The following TCF25 variants were observed in gnomAD, a reference collection of about 807,000 sequenced individuals.
The protein encoded by TCF25 is TCF25 ribosome quality control complex subunit, also known as ribosome quality control complex subunit TCF25.
TCF25 carries 41 observed loss-of-function variants against 83.1 expected under a neutral mutation model. The observed-to-expected ratio is 0.49, with a 90% CI of 0.38 to 0.64. TCF25 has a LOEUF of 0.64. Ranked by LOEUF, TCF25 falls within the 30% of genes least tolerant of loss-of-function variation. The pLI, the probability that TCF25 is intolerant of heterozygous loss-of-function variation, is 0.00. For synonymous variants in TCF25, 458 were observed against 365.0 expected, an observed-to-expected ratio of 1.25 and a Z score of -2.90; for missense variants, 979 against 914.5, an observed-to-expected ratio of 1.07 and a Z score of -0.91.
chr16:89,911,203 G>A lies in TCF25; in HGVS notation c.1996G>A (p.Glu666Lys). The A allele has an allele frequency of 1.2e-6, 2 of 1,612,466 alleles. No homozygotes were observed. Among genetic ancestry groups the A allele is most frequent in the Non-Finnish European group, 1.7e-6 (2 of 1,179,936 alleles). ...FHLNDLEAPH[E>K]DDAEGEGEWD ...CCTCAACGACCTGGAGGCGCCGCAC[G>A]AGGACGACGCTGAGGGGGAGGGGGA... The change falls in exon 18 of 18, where the codon GAG (glutamate) becomes AAG (lysine). Residue 666 changes from glutamate to lysine, a missense_variant. Physicochemically the swap from Glu to Lys is moderately conservative, Grantham distance 56. Transcript: ENST00000263346.
chr16:89,902,517 G>A lies in TCF25; in HGVS notation c.1382-1601G>A, dbSNP rs1404071957. 3.0e-4 allele frequency among the ~76,000 whole-genome samples: 42 copies of A among 141,200 alleles called. 3 individuals carry two copies. The highest frequency in any genetic ancestry group is 2.5e-4 in the Non-Finnish European group (16 of 63,294). The allele number at this position is 141,200 out of a possible 152,430, so 92.6% of individuals were successfully genotyped here. A position where few individuals can be genotyped will look rare whatever the true frequency, so the allele number is the denominator to read the frequency against. On this transcript the variant is annotated intron_variant, in intron 12 of 17. Transcript: ENST00000263346. ...ATCCTGACTAACACGGTGAAACCAC[G>A]TCTCTACTAAAAATACAAAAAATTA...
chr16:89,907,209 C>T (rs1485501942), intron 15 of TCF25, 34 bp from the exon 16 acceptor site: 1 of 1,608,568 alleles, frequency 6.2e-7, no homozygotes, highest in Non-Finnish European at 8.5e-7. Context: ...CTGGCAGCAT[C>T]TGTAGCATCT....
In TCF25 at chr16:89,904,088, G is replaced by A. The variant is rs771777933; in HGVS notation, c.1382-30G>A. The A allele has an allele frequency of 3.1e-6, 5 of 1,589,732 alleles. No homozygotes were observed. The South Asian group carries it at 3.4e-5, about 11-fold the overall frequency. On this transcript the variant is annotated intron_variant, in intron 12 of 17. Transcript: ENST00000263346. ...GGAGTGGCTGGGGTGTGTGCTGAGGGCCCCCACAGAGCCTCCGCTTCCCCT... is the reference window on the plus strand; with the variant it reads ...GGAGTGGCTGGGGTGTGTGCTGAGGACCCCCACAGAGCCTCCGCTTCCCCT...
chr16:89,895,266 C>G (rs1183597959), intron 8 of TCF25, 129 bp downstream of exon 8: 1 of 806,700 alleles, frequency 1.2e-6, no homozygotes, highest in Non-Finnish European at 1.9e-6. Flanking sequence ...ATACAACCTA[C>G]GTAGCACAAA....
Position 89,873,640 on chromosome 16 carries a change from T to C in TCF25, c.-28T>C. 6.6e-7 allele frequency: 1 copy of C among 1,509,624 alleles called. No individual in the cohort carries two copies. Among genetic ancestry groups the C allele is most frequent in the East Asian group, 2.6e-5 (1 of 38,520 alleles). 93.5% of individuals were successfully genotyped at this position (1,509,624 alleles called of 1,614,324 possible). On this transcript the variant is annotated 5_prime_UTR_variant, in exon 1 of 18. Coordinates refer to ENST00000263346, the MANE Select transcript of TCF25 (RefSeq NM_014972.3). ...AGTTTTCTGCGCTTCCTTCTCCCTC[T>C]CTCCAGACGTCGTGGTCGTTCGGTC...
chr16:89,875,104 G>C (rs1450648049), intron 1 of TCF25, among the ~76,000 whole-genome samples: 2 of 152,118 alleles, frequency 1.3e-5, no homozygotes, highest in Non-Finnish European at 2.9e-5. Flanking sequence ...GGCTCAAATA[G>C]TCCTCTCACC....
intron 1 of TCF25, among the ~76,000 whole-genome samples, chr16:89,882,854 T>C (rs1415099831): frequency 1.3e-5 from 2 of 152,222 alleles, no homozygotes; most frequent in Non-Finnish European, 2.9e-5. Context: ...CCCAAAGTGC[T>C]GGGATCACAG....
chr16:89,888,979 G>T (rs1051854114), intron 5 of TCF25, among the ~76,000 whole-genome samples: 1 of 150,924 alleles, frequency 6.6e-6, no homozygotes, highest in African/African-American at 2.4e-5. Context: ...GAGCCATGGC[G>T]CCCGGCCCAG....
At chr16:89,885,738 G>A (rs948403719) in intron 3 of TCF25, 110 bp from the exon 4 acceptor site, 11 of 879,716 alleles carry the variant, frequency 1.3e-5, no homozygotes, top group African/African-American at 1.0e-4. Flanking sequence ...TGTCCTTTAG[G>A]AAGTAAATAC....
At chr16:89,910,229 C>T in intron 16 of TCF25, 1 of 292,494 alleles carries the variant, frequency 3.4e-6, no homozygotes, top group Non-Finnish European at 6.6e-6. Flanking sequence ...AAGCTTCTGC[C>T]TTTGCGTAAG....
At chr16:89,901,111 AAG>A in intron 12 of TCF25, 1 of 247,972 alleles carries the variant, frequency 4.0e-6, no homozygotes, top group Non-Finnish European at 8.0e-6. Flanking sequence ...GAGGAGAGCA[AAG>A]CAGGGGAAGG....
intron 9 of TCF25, among the ~76,000 whole-genome samples, chr16:89,896,291 C>G (rs1403012125): frequency 1.3e-5 from 2 of 152,186 alleles, no homozygotes; most frequent in African/African-American, 4.8e-5. Context: ...GTGGACATGC[C>G]TGATGCTACT....
chr16:89,891,733 T>G (rs1337681905), intron 5 of TCF25, among the ~76,000 whole-genome samples: 1 of 152,206 alleles, frequency 6.6e-6, no homozygotes, highest in South Asian at 2.1e-4. Flanking sequence ...TTGTTCTCTT[T>G]CTTTTCGTTT....
At chr16:89,908,875 G>C in intron 16 of TCF25, 1 of 1,235,308 alleles carries the variant, frequency 8.1e-7, no homozygotes, top group Non-Finnish European at 1.0e-6. Flanking sequence ...TCTGAGGTCA[G>C]GGCTTTGGGG....
In TCF25 at chr16:89,909,014, C is replaced by T. The variant is rs1567747379; in HGVS notation, c.1800-1577C>T. 4.7e-6 allele frequency: 6 copies of T among 1,289,514 alleles called. No homozygotes were observed. The South Asian group carries it at 6.2e-5, about 13-fold the overall frequency. The allele number at this position is 1,289,514 out of a possible 1,614,324, so 79.9% of individuals were successfully genotyped here. ...GTGTTATTTGGGGGTCACAGCTCTG[C>T]GTTTGCAGGCCACGTTCTTTCCCAT... On this transcript the variant is annotated intron_variant, in intron 16 of 17. Transcript: ENST00000263346.
intron 4 of TCF25, 188 bp downstream of exon 4, chr16:89,886,154 G>A (rs1157133243): frequency 1.1e-5 from 7 of 614,002 alleles, no homozygotes; most frequent in South Asian, 3.0e-5. Flanking sequence ...TTGGCTGGGC[G>A]TGGTGGCTCA....
chr16:89,899,728 CAA>C (rs570020965), intron 11 of TCF25, among the ~76,000 whole-genome samples: 10 of 133,166 alleles, frequency 7.5e-5, no homozygotes, highest in East Asian at 2.2e-4. Flanking sequence ...AACTCCGTCT[CAA>C]AAAAAAAAAA....
At chr16:89,901,092 AG>A in intron 12 of TCF25, 3 of 278,854 alleles carry the variant, frequency 1.1e-5, no homozygotes, top group Admixed American at 4.4e-5. Flanking sequence ...GGATTGTACC[AG>A]TGCTGGGGAG....
At chr16:89,887,467 A>G (rs997931346) in intron 4 of TCF25, among the ~76,000 whole-genome samples, 185 bp from the exon 5 acceptor site, 3 of 152,146 alleles carry the variant, frequency 2.0e-5, no homozygotes, top group East Asian at 1.9e-4. Flanking sequence ...CAGCTTCCCC[A>G]TGGTGCCCGC....
Sources: allele counts gnomAD v4.1 joint callset (sites outside exome capture counted in the v4.1 genomes callset), GRCh38; gene constraint gnomAD v4.1.1; transcripts MANE v1.5; gene names NCBI Gene and HGNC (gene_info 2026-07-23, HGNC 2026-07-21).